Variants in LYRM4 observed in about 807,000 individuals in gnomAD.
LYRM4 encodes LYR motif containing 4.
LYRM4 carries 9 observed loss-of-function variants against 11.7 expected under a neutral mutation model. The ratio of observed to expected loss-of-function variants is 0.77; its 90% CI spans 0.46 to 1.34. The LOEUF (loss-of-function observed/expected upper bound fraction) is 1.34. Among genes scored for constraint, LYRM4 ranks in the 40% most tolerant of loss-of-function variants. The probability of loss-of-function intolerance (pLI) is 0.00; values close to 1 mark genes in which losing one functional copy is unlikely to be tolerated. For missense variants in LYRM4, 133 were observed against 112.5 expected (o/e 1.18, Z -0.82); for synonymous variants, 42 against 40.4 (o/e 1.04, Z -0.15).
chr6:5,120,831 C>T (rs1252621100), intron 2 of LYRM4, among the ~76,000 whole-genome samples: 1 of 152,194 alleles, frequency 6.6e-6, no homozygotes, highest in Non-Finnish European at 1.5e-5. Context: ...TTTTACAGAG[C>T]ACTGATTGGT....
At chr6:5,038,885 A>G in the LYRM4 span, among the ~76,000 whole-genome samples, 15 of 7,410 alleles carry the variant, frequency 2.0e-3, 1 homozygote, top group African/African-American at 4.7e-3. Context: ...CCGTGGAGGG[A>G]GAGAGAGGGA....
rs76561539 is a variant in LYRM4 at position 5,113,955 on chromosome 6, T to A, written c.208-4464A>T. Among the ~76,000 whole-genome samples the A allele has an allele frequency of 8.3e-4, 127 of 152,346 alleles. 4 individuals carry two copies. The East Asian group carries it at 0.024, about 29-fold the overall frequency. The stretch of plus-strand genomic sequence containing the variant: ...ATTTGAGATAACCACATGAGATAAC[T>A]GTGGCCTGCCCAGCATCCATCTCTC... On this transcript the variant is annotated intron_variant, in intron 2 of 2. Transcript: ENST00000330636.
chr6:5,202,675 T>G (rs954119766), intron 2 of LYRM4, among the ~76,000 whole-genome samples: 4 of 152,208 alleles, frequency 2.6e-5, no homozygotes. Context: ...TAGCCTGCCA[T>G]AAGTTCGTAT....
intron 2 of LYRM4, among the ~76,000 whole-genome samples, chr6:5,145,286 G>A (rs1350701867): frequency 2.6e-5 from 4 of 152,206 alleles, no homozygotes; most frequent in Admixed American, 2.0e-4. Flanking sequence ...CAGTTTCGGT[G>A]AGTGGAGGAG....
chr6:5,147,929 T>C (rs17310261), intron 2 of LYRM4, among the ~76,000 whole-genome samples: 15,115 of 152,236 alleles, frequency 0.099, 803 homozygotes, highest in Middle Eastern at 0.16. Flanking sequence ...CGACTTTCCT[T>C]TTGTAAATTA....
intron 1 of LYRM4, among the ~76,000 whole-genome samples, chr6:5,241,775 T>C (rs2127757388): frequency 6.6e-6 from 1 of 152,316 alleles, no homozygotes; most frequent in African/African-American, 2.4e-5. Context: ...CGCAGGCATA[T>C]GTTATATATC....
At chr6:5,113,284 C>A (rs1432250752) in intron 2 of LYRM4, 5 of 445,652 alleles carry the variant, frequency 1.1e-5, no homozygotes, top group South Asian at 3.2e-5. Flanking sequence ...AATATATAGG[C>A]CATGGTGGCA....
At chr6:5,241,845 C>G (rs977867923) in intron 1 of LYRM4, among the ~76,000 whole-genome samples, 1 of 141,192 alleles carries the variant, frequency 7.1e-6, no homozygotes, top group African/African-American at 3.0e-5. Context: ...GTGGAGATAA[C>G]TGGAAGTAAA....
At chr6:5,070,331 T>C in the LYRM4 span, among the ~76,000 whole-genome samples, 1 of 152,146 alleles carries the variant, frequency 6.6e-6, no homozygotes, top group African/African-American at 2.4e-5. Context: ...GCAGTAATGA[T>C]ATGAAGTGTG....
chr6:5,114,475 G>A (rs72809833), intron 2 of LYRM4, among the ~76,000 whole-genome samples: 4 of 152,266 alleles, frequency 2.6e-5, no homozygotes, highest in South Asian at 2.1e-4. Flanking sequence ...CTAATGAAAC[G>A]AAGGCCGGTG....
At chr6:5,165,668 G>A (rs958862702) in intron 2 of LYRM4, among the ~76,000 whole-genome samples, 5 of 151,590 alleles carry the variant, frequency 3.3e-5, no homozygotes, top group African/African-American at 7.3e-5. Flanking sequence ...TCAGCCTCCC[G>A]AGTAGCTGGG....
intron 2 of LYRM4, among the ~76,000 whole-genome samples, chr6:5,145,570 G>T (rs146333185): frequency 6.6e-6 from 1 of 152,160 alleles, no homozygotes; most frequent in African/African-American, 2.4e-5. Flanking sequence ...TAATAAAAAA[G>T]CTTCATCAGA....
the LYRM4 span, chr6:5,034,220 A>T: frequency 6.6e-6 from 1 of 152,242 alleles, no homozygotes; most frequent in East Asian, 1.9e-4. Flanking sequence ...CTGAATCAAC[A>T]GCCAAATACA....
chr6:5,203,271 G>C (rs1761495403), intron 2 of LYRM4, among the ~76,000 whole-genome samples: 2 of 152,168 alleles, frequency 1.3e-5, no homozygotes, highest in Non-Finnish European at 2.9e-5. Context: ...TTGTTGATCA[G>C]GCACCATTCT....
At chr6:5,260,399 G>A (rs997867677) in intron 1 of LYRM4, among the ~76,000 whole-genome samples, 2 of 152,206 alleles carry the variant, frequency 1.3e-5, no homozygotes, top group Admixed American at 1.3e-4. Context: ...TACCAAGATA[G>A]CCTTTAGGGG....
chr6:5,090,904 T>C, the LYRM4 span, among the ~76,000 whole-genome samples: 1,595 of 152,318 alleles, frequency 0.01, 21 homozygotes, highest in African/African-American at 0.035. The surrounding 1 kb of genome is among the most constrained non-coding windows in gnomAD (Gnocchi z 4.8). Context: ...CACTGTGGCT[T>C]GGAGCCTTGT....
In LYRM4 at chr6:5,185,308, GGCTAA is replaced by G. The variant is rs147791229; in HGVS notation, c.207+31305_207+31309del. 4.4e-3 allele frequency among the ~76,000 whole-genome samples: 673 copies of G among 152,312 alleles called. 6 individuals carry two copies. Among genetic ancestry groups the G allele is most frequent in the African/African-American group, 0.015 (621 of 41,576 alleles). On this transcript the variant is annotated intron_variant, in intron 2 of 2. Transcript: ENST00000330636. ...TCATGCTAAGGAAAGACAGAAAGCT[GGCTAA>G]GCCAGTGGAAAGAGCACAGGCAGTT...
intron 1 of LYRM4, among the ~76,000 whole-genome samples, chr6:5,256,491 GAAAAAAAAAAAAAAAAAAA>G (rs1161084364): frequency 6.8e-5 from 3 of 43,860 alleles, no homozygotes; most frequent in East Asian, 7.3e-4. Context: ...ATTTCAACTG[GAAAAAAAAAAAAAAAAAAA>G]AAAAAAAAAA....
chr6:5,167,303 C>G (rs1759141095), intron 2 of LYRM4, among the ~76,000 whole-genome samples: 1 of 152,124 alleles, frequency 6.6e-6, no homozygotes, highest in Non-Finnish European at 1.5e-5. Flanking sequence ...GTCACCCTCC[C>G]CAAAGATAAT....
Sources: gnomAD v4.1 joint callset for allele counts (sites outside exome capture counted in the v4.1 genomes callset) on GRCh38, gnomAD v4.1.1 for gene constraint, Gnocchi (gnomAD v3.1) non-coding constraint, MANE v1.5 for transcripts, NCBI Gene and HGNC (gene_info 2026-07-23, HGNC 2026-07-21) for gene names.